FBXW12: variants seen among roughly 807,000 people sequenced by gnomAD.
FBXW12 encodes the protein F-box and WD repeat domain containing 12, also known as F-box/WD repeat-containing protein 12.
In FBXW12, 43 loss-of-function variants were observed where a neutral mutation model predicts 55.3. That is an observed-to-expected ratio of 0.78 (90% confidence interval 0.61 to 1.00). The LOEUF (loss-of-function observed/expected upper bound fraction) is 1.00. FBXW12 is among the 50% of genes least tolerant of loss of function. The pLI, the probability that FBXW12 is intolerant of heterozygous loss-of-function variation, is 0.00. For synonymous variants in FBXW12, 184 were observed against 203.8 expected, an observed-to-expected ratio of 0.90 and a Z score of 0.83; for missense variants, 524 against 560.5, an observed-to-expected ratio of 0.93 and a Z score of 0.66.
chr3:48,378,747 T>A (rs908973985), intron 6 of FBXW12, among the ~76,000 whole-genome samples: 1 of 151,934 alleles, frequency 6.6e-6, no homozygotes, highest in African/African-American at 2.4e-5. Flanking sequence ...CCTGAGTCGC[T>A]GAGACTACAG....
At position 48,381,997 on chromosome 3, in the gene FBXW12, G is replaced by A. The variant is rs766580960; in HGVS notation, c.1207G>A (p.Val403Met). Residue 403 changes from valine to methionine, a missense_variant, in exon 10 of 11, where the codon GTG becomes ATG. Coordinates refer to ENST00000296438, the MANE Select transcript of FBXW12 (RefSeq NM_207102.2). ...CACCACATCCGAGAACTCTGTGCAC[G>A]TGTACATGTGGGAAGAAGGAGGCCG... ...VLTTSENSVH[V>M]YMWEEGGRHP... The A allele has an allele frequency of 1.5e-5, 24 of 1,614,062 alleles. No individual in the cohort carries two copies. The highest frequency in any genetic ancestry group is 3.3e-4 in the Middle Eastern group (2 of 6,084).
At chr3:48,381,544 G>T (rs921027662) in intron 8 of FBXW12, among the ~76,000 whole-genome samples, 156 bp from the exon 9 acceptor site, 1 of 152,148 alleles carries the variant, frequency 6.6e-6, no homozygotes, top group African/African-American at 2.4e-5. Context: ...TATTTGTCAG[G>T]CCACTGGACT....
At chr3:48,393,904 G>A (rs1435427949) in intron 10 of FBXW12, among the ~76,000 whole-genome samples, 2 of 149,372 alleles carry the variant, frequency 1.3e-5, no homozygotes, top group African/African-American at 5.0e-5. Flanking sequence ...TCAGCCTCCC[G>A]AGTAGCTGGG....
In FBXW12 at chr3:48,381,750, T is replaced by C. The variant is rs925577705; in HGVS notation, c.1036T>C (p.Trp346Arg). The change falls in exon 9 of 11, where the codon TGG (tryptophan) becomes CGG (arginine). Residue 346 changes from tryptophan (W) to arginine (R), a missense_variant. Physicochemically the swap from Trp to Arg is moderately radical, Grantham distance 101. Transcript: ENST00000296438. Reference protein sequence around the residue: ...QVAAHLKCPIWMGASDGYMIV... With the variant: ...QVAAHLKCPIRMGASDGYMIV... ...GGCAGCTCATCTGAAGTGCCCTATC[T>C]GGATGGGAGCCAGTGATGGATATAT... The C allele has an allele frequency of 6.2e-7, 1 of 1,609,904 alleles. No homozygotes were observed. Among genetic ancestry groups the C allele is most frequent in the Non-Finnish European group, 8.5e-7 (1 of 1,177,382 alleles).
intron 7 of FBXW12, chr3:48,380,233 A>T (rs534863314): frequency 4.5e-5 from 7 of 156,898 alleles, no homozygotes; most frequent in Non-Finnish European, 8.5e-5. Context: ...CAAAGTGTAG[A>T]GAAGTCCAAA....
intron 10 of FBXW12, among the ~76,000 whole-genome samples, chr3:48,387,884 G>A (rs2036869476): frequency 1.3e-5 from 2 of 152,078 alleles, no homozygotes; most frequent in Admixed American, 6.6e-5. Context: ...CTCTTAAGGT[G>A]GATGTTTAGA....
chr3:48,373,002 C>A, intron 2 of FBXW12, 145 bp downstream of exon 2: 1 of 845,408 alleles, frequency 1.2e-6, no homozygotes, highest in Non-Finnish European at 1.9e-6. Context: ...TTCTGTTAAA[C>A]GAAAAGGACA....
intron 10 of FBXW12, among the ~76,000 whole-genome samples, chr3:48,389,369 A>C (rs2036889693): frequency 6.6e-6 from 1 of 151,984 alleles, no homozygotes; most frequent in Admixed American, 6.6e-5. Flanking sequence ...TTGCTGTGCA[A>C]AACCTTTTTT....
rs1349445495 is a variant in FBXW12, at chr3:48,372,815, C to T, written c.48C>T (p.Phe16=). Residue 16 remains phenylalanine (F), a synonymous_variant, in exon 2 of 11, where the codon TTC becomes TTT. Coordinates refer to ENST00000296438, the MANE Select transcript of FBXW12 (RefSeq NM_207102.2). ...TAGCTTTGAAGCGAATCTTCTCTTT[C>T]CTGGACCTGTTCGGCTTGCTGCAGG... is the stretch of plus-strand genomic sequence containing the variant. ...PDLALKRIFS[F]LDLFGLLQVS... is the part of the protein sequence containing the mutation. 1.2e-6 allele frequency: 2 copies of T among 1,614,060 alleles called. No homozygotes were observed. Among genetic ancestry groups the T allele is most frequent in the African/African-American group, 2.7e-5 (2 of 74,906 alleles).
In FBXW12 at chr3:48,394,675, A is replaced by T; in HGVS notation, c.*16A>T. On this transcript the variant is annotated 3_prime_UTR_variant, in exon 11 of 11. Coordinates refer to ENST00000296438, the MANE Select transcript of FBXW12 (RefSeq NM_207102.2). ...GAATACGTAATATGGAAACTAACAA[A>T]ATTGACCTTGCATCATCTTCTGCAA... 2 of 1,351,682 alleles carry T rather than the reference A, an allele frequency of 1.5e-6. No homozygotes were observed. The highest frequency in any genetic ancestry group is 1.0e-6 in the Non-Finnish European group (1 of 955,632). 83.7% of individuals were successfully genotyped at this position (1,351,682 alleles called of 1,614,324 possible). A position where few individuals can be genotyped will look rare whatever the true frequency, so the allele number is the denominator to read the frequency against.
chr3:48,389,720 T>C (rs1051468524), intron 10 of FBXW12, among the ~76,000 whole-genome samples: 1 of 152,186 alleles, frequency 6.6e-6, no homozygotes, highest in African/African-American at 2.4e-5. Context: ...CGATTTTTGT[T>C]TTCATTGCAA....
intron 10 of FBXW12, among the ~76,000 whole-genome samples, chr3:48,383,917 T>C (rs1431772675): frequency 6.6e-6 from 1 of 152,202 alleles, no homozygotes; most frequent in East Asian, 1.9e-4. Context: ...CAATCATCTA[T>C]ATATGTATCT....
At chr3:48,391,075 G>C (rs1243677169) in intron 10 of FBXW12, among the ~76,000 whole-genome samples, 6 of 136,874 alleles carry the variant, frequency 4.4e-5, no homozygotes, top group Non-Finnish European at 6.1e-5. Context: ...TTCGAGACAA[G>C]CCTGGGCAAC....
At chr3:48,374,473 A>G (rs2036653884) in intron 4 of FBXW12, among the ~76,000 whole-genome samples, 1 of 151,868 alleles carries the variant, frequency 6.6e-6, no homozygotes, top group East Asian at 1.9e-4. Context: ...GATTACAGGC[A>G]TTTACCACCA....
At chr3:48,382,413 C>A (rs2036791618) in intron 10 of FBXW12, among the ~76,000 whole-genome samples, 1 of 152,018 alleles carries the variant, frequency 6.6e-6, no homozygotes, top group African/African-American at 2.4e-5. Flanking sequence ...CGCACCCTGC[C>A]GAAAACTTCT....
Position 48,394,594 on chromosome 3 carries a change from ATAG to A in FBXW12, c.1333_1335del (p.Val445del). 6.2e-7 allele frequency: 1 copy of A among 1,608,464 alleles called. No individual in the cohort carries two copies. The highest frequency in any genetic ancestry group is 8.5e-7 in the Non-Finnish European group (1 of 1,177,296). ...CAGTGTGATGTGTGATAATGCAAGCATAGTACTTAGGGTGAGGAAAGTAAGTGA... is the reference window on the plus strand; with the variant it reads ...CAGTGTGATGTGTGATAATGCAAGCATACTTAGGGTGAGGAAAGTAAGTGA... On this transcript the variant is annotated inframe_deletion, in exon 11 of 11. Transcript: ENST00000296438.
At chr3:48,386,914 T>C (rs1197141395) in intron 10 of FBXW12, among the ~76,000 whole-genome samples, 1 of 151,344 alleles carries the variant, frequency 6.6e-6, no homozygotes, top group East Asian at 1.9e-4. Context: ...ATGAAGGATA[T>C]CATTTTGTAG....
In FBXW12 at chr3:48,386,926, T is replaced by C. The variant is rs1386376667; in HGVS notation, c.1295+4841T>C. ...TTCATGAAGGATATCATTTTGTAGTTTTCTTCTTCTTCTTCTTTTTTTTTT... is the reference window on the plus strand; with the variant it reads ...TTCATGAAGGATATCATTTTGTAGTCTTCTTCTTCTTCTTCTTTTTTTTTT... On this transcript the variant is annotated intron_variant, in intron 10 of 10. Transcript: ENST00000296438. 5.5e-5 allele frequency among the ~76,000 whole-genome samples: 8 copies of C among 146,648 alleles called. No individual in the cohort carries two copies. The East Asian group carries it at 1.6e-3, about 30-fold the overall frequency.
In FBXW12 at chr3:48,381,879, G is replaced by A; in HGVS notation, c.1164+1G>A. 1 of 1,609,004 alleles carries A rather than the reference G, an allele frequency of 6.2e-7. No homozygotes were observed. Among genetic ancestry groups the A allele is most frequent in the Non-Finnish European group, 8.5e-7 (1 of 1,176,268 alleles). ...GGCAGCCATCAACAACTTCTGGGTG[G>A]TATGTATGATTCTCCTCCACTGCTT... On this transcript the variant is annotated splice_donor_variant, in intron 9 of 10. Coordinates refer to ENST00000296438, the MANE Select transcript of FBXW12 (RefSeq NM_207102.2). LOFTEE classifies it high-confidence loss of function.
Sources: allele counts gnomAD v4.1 joint callset (sites outside exome capture counted in the v4.1 genomes callset), GRCh38; gene constraint gnomAD v4.1.1; transcripts MANE v1.5; gene names NCBI Gene and HGNC (gene_info 2026-07-23, HGNC 2026-07-21).